The following CR1L variants were observed in gnomAD, a reference collection of about 807,000 sequenced individuals.
The protein encoded by CR1L is complement component receptor 1-like protein.
CR1L carries 59 observed loss-of-function variants against 62.3 expected under a neutral mutation model. The ratio of observed to expected loss-of-function variants is 0.95; its 90% confidence interval spans 0.77 to 1.18. The LOEUF (loss-of-function observed/expected upper bound fraction) is 1.18, where lower values mean the gene tolerates loss of function less well. Among genes scored for constraint, CR1L ranks in the 50% most tolerant of loss-of-function variants. The pLI, the probability that CR1L is intolerant of heterozygous loss-of-function variation, is 0.00. For synonymous variants in CR1L, 279 were observed against 248.7 expected, an observed-to-expected ratio of 1.12 and a Z score of -1.15; for missense variants, 700 against 702.8, an observed-to-expected ratio of 1.00 and a Z score of 0.04.
intron 1 of CR1L, among the ~76,000 whole-genome samples, chr1:207,655,962 G>A (rs546897552): frequency 1.1e-4 from 17 of 152,200 alleles, no homozygotes; most frequent in African/African-American, 3.4e-4. Context: ...ACTTCTGCCC[G>A]GCGCAGTGGC....
intron 3 of CR1L, among the ~76,000 whole-genome samples, chr1:207,678,664 C>T (rs1422125679): frequency 6.6e-6 from 1 of 152,204 alleles, no homozygotes; most frequent in Admixed American, 6.5e-5. Context: ...TCTTAATGGT[C>T]ATAGCACAAA....
chr1:207,697,932 A>G lies in CR1L; in HGVS notation c.1142+59A>G, dbSNP rs187220548. On this transcript the variant is annotated intron_variant, in intron 7 of 11. Transcript: ENST00000508064. ...GAAATTGGGGTTAGGAATTAGTCCA[A>G]AAAGGGGAGATTTGATGTGGCTTAA... 56 of 1,610,570 alleles carry G rather than the reference A, an allele frequency of 3.5e-5. 1 individual carries two copies. In the Middle Eastern group the frequency reaches 8.8e-4, roughly 25 times the overall value.
At chr1:207,712,860 A>G (rs746247613) in intron 10 of CR1L, among the ~76,000 whole-genome samples, 1 of 152,160 alleles carries the variant, frequency 6.6e-6, no homozygotes, top group Non-Finnish European at 1.5e-5. Context: ...TTTGTTTGTG[A>G]TGAAGGGTGA....
intron 1 of CR1L, among the ~76,000 whole-genome samples, chr1:207,672,632 C>T (rs1429960162): frequency 6.6e-6 from 1 of 152,022 alleles, no homozygotes; most frequent in African/African-American, 2.4e-5. Flanking sequence ...CTCTGGCTCA[C>T]ATTCATGGGG....
At chr1:207,647,334 C>T (rs1663142807) in intron 1 of CR1L, among the ~76,000 whole-genome samples, 1 of 152,212 alleles carries the variant, frequency 6.6e-6, no homozygotes, top group South Asian at 2.1e-4. Flanking sequence ...ACGTTCTCCC[C>T]ATGACCTGCT....
At chr1:207,666,218 G>A (rs377408625) in intron 1 of CR1L, among the ~76,000 whole-genome samples, 4 of 152,094 alleles carry the variant, frequency 2.6e-5, no homozygotes, top group African/African-American at 7.2e-5. Context: ...CAAACTGTAC[G>A]TCCCAGATTC....
Position 207,681,862 on chromosome 1 carries a change from T to C in CR1L, c.378-2010T>C, listed in dbSNP as rs184548993. ...GTTCTCTATTTGTGTGCATGTGTGT[T>C]GGCAGTGCAATTGAGAATGCTTTCA... On this transcript the variant is annotated intron_variant, in intron 3 of 11. Coordinates refer to ENST00000508064, the MANE Select transcript of CR1L (RefSeq NM_175710.2). 1.6e-3 allele frequency among the ~76,000 whole-genome samples: 245 copies of C among 152,320 alleles called. 1 individual carries two copies. The highest frequency in any genetic ancestry group is 5.2e-3 in the Admixed American group (80 of 15,306).
intron 4 of CR1L, among the ~76,000 whole-genome samples, chr1:207,687,034 C>T (rs1251594644): frequency 1.3e-5 from 2 of 152,146 alleles, no homozygotes; most frequent in African/African-American, 2.4e-5. Context: ...TATAACAGCC[C>T]AAATAGACTA....
chr1:207,706,345 C>A (rs932516336), intron 9 of CR1L, among the ~76,000 whole-genome samples: 3 of 151,434 alleles, frequency 2.0e-5, no homozygotes, highest in African/African-American at 7.3e-5. Context: ...CACCTCAGCC[C>A]GAGAGGCTGA....
chr1:207,645,468 G>T (rs2102434121), intron 1 of CR1L, 138 bp downstream of exon 1: 2 of 959,990 alleles, frequency 2.1e-6, no homozygotes, highest in Non-Finnish European at 3.2e-6. Context: ...TTCTCCGAGG[G>T]GTGCCGTGCT....
chr1:207,695,994 A>G (rs1664096498), intron 5 of CR1L, among the ~76,000 whole-genome samples: 1 of 152,206 alleles, frequency 6.6e-6, no homozygotes, highest in African/African-American at 2.4e-5. Flanking sequence ...ACACAGAGAC[A>G]AACCATATCA....
chr1:207,714,372 C>G (rs191027056), intron 10 of CR1L, among the ~76,000 whole-genome samples: 1 of 152,162 alleles, frequency 6.6e-6, no homozygotes, highest in Non-Finnish European at 1.5e-5. Flanking sequence ...GAGTGGGGAT[C>G]AATCAGAGGA....
rs181400362 is a variant in CR1L, at chr1:207,700,051, A to G, written c.1228+777A>G. Among the ~76,000 whole-genome samples the G allele has an allele frequency of 8.6e-5, 13 of 151,654 alleles. No individual in the cohort carries two copies. In the East Asian group the frequency reaches 2.5e-3, roughly 29 times the overall value. The stretch of plus-strand genomic sequence containing the variant: ...GTCATTTTTTTAAAATGAGCCTCAT[A>G]TGTTCAATAATCAGTAGACTACTGA... On this transcript the variant is annotated intron_variant, in intron 8 of 11. Transcript: ENST00000508064.
chr1:207,684,175 A>G (rs1349892666), intron 4 of CR1L: 6 of 387,448 alleles, frequency 1.5e-5, no homozygotes, highest in Non-Finnish European at 2.7e-5. Flanking sequence ...AGGGGCCTAA[A>G]TACGTAAAAG....
At chr1:207,670,639 G>A (rs1663595205) in intron 1 of CR1L, among the ~76,000 whole-genome samples, 1 of 150,972 alleles carries the variant, frequency 6.6e-6, no homozygotes, top group Non-Finnish European at 1.5e-5. Flanking sequence ...TTCATTATTT[G>A]AGTGTTCCTT....
chr1:207,717,737 G>C (rs775883260), intron 11 of CR1L, 46 bp downstream of exon 11: 2 of 1,595,356 alleles, frequency 1.3e-6, no homozygotes, highest in Non-Finnish European at 1.7e-6. Context: ...AGAATATGTA[G>C]GTGAGAACCT....
intron 5 of CR1L, among the ~76,000 whole-genome samples, chr1:207,696,510 C>A (rs769310878): frequency 1.3e-5 from 2 of 152,180 alleles, no homozygotes; most frequent in Non-Finnish European, 2.9e-5. Flanking sequence ...ATTTAACCAG[C>A]ACAGCACCTC....
chr1:207,646,816 A>T (rs1663134504), intron 1 of CR1L, among the ~76,000 whole-genome samples: 1 of 150,156 alleles, frequency 6.7e-6, no homozygotes, highest in African/African-American at 2.4e-5. Context: ...ATATTTTGTT[A>T]TATTTCCTTC....
chr1:207,683,777 G>A, intron 3 of CR1L, 95 bp from the exon 4 acceptor site: 1 of 1,185,234 alleles, frequency 8.4e-7, no homozygotes, highest in Non-Finnish European at 1.2e-6. Context: ...ATGTCCCTCT[G>A]AATTCTATAA....
Sources: allele counts gnomAD v4.1 joint callset (sites outside exome capture counted in the v4.1 genomes callset), GRCh38; gene constraint gnomAD v4.1.1; transcripts MANE v1.5; gene names NCBI Gene and HGNC (gene_info 2026-07-23, HGNC 2026-07-21).